RIMS1: variants seen among roughly 807,000 people sequenced by gnomAD.
RIMS1 encodes regulating synaptic membrane exocytosis 1, also known as regulating synaptic membrane exocytosis protein 1.
RIMS1 carries 83 observed loss-of-function variants against 214.1 expected under a neutral mutation model. That is an observed-to-expected ratio of 0.39 (90% confidence interval 0.32 to 0.47). RIMS1 has a LOEUF of 0.47. Ranked by LOEUF, RIMS1 falls within the 20% of genes least tolerant of loss-of-function variation. The pLI, the probability that RIMS1 is intolerant of heterozygous loss-of-function variation, is 0.99. For synonymous variants in RIMS1, 793 were observed against 786.8 expected (o/e 1.01, Z -0.13); for missense variants, 2,050 against 2,161.8 (o/e 0.95, Z 1.03).
intron 4 of RIMS1, among the ~76,000 whole-genome samples, chr6:72,132,707 T>C (rs79605469): frequency 0.067 from 10,226 of 151,996 alleles, 412 homozygotes; most frequent in Non-Finnish European, 0.093. Flanking sequence ...TGCAGACAAA[T>C]CTCTTAAGAG....
chr6:71,982,641 A>T (rs1798791191), intron 2 of RIMS1, among the ~76,000 whole-genome samples: 1 of 152,096 alleles, frequency 6.6e-6, no homozygotes, highest in Non-Finnish European at 1.5e-5. Context: ...CCTAAGTGTA[A>T]TCAGTCACTA....
chr6:71,909,940 G>T (rs756439490), intron 1 of RIMS1, among the ~76,000 whole-genome samples: 2 of 152,138 alleles, frequency 1.3e-5, no homozygotes, highest in Admixed American at 1.3e-4. Flanking sequence ...AAGCAGCCCG[G>T]ATGAGGAGTC....
chr6:72,397,003 C>T (rs1596343813), intron 31 of RIMS1, among the ~76,000 whole-genome samples: 1 of 151,942 alleles, frequency 6.6e-6, no homozygotes, highest in Middle Eastern at 3.4e-3. Flanking sequence ...ACAGAGCAAG[C>T]CTCTGTCTCA....
chr6:72,341,102 A>G (rs888968797), intron 29 of RIMS1, among the ~76,000 whole-genome samples: 6 of 151,854 alleles, frequency 4.0e-5, no homozygotes, highest in African/African-American at 1.5e-4. Flanking sequence ...ATTGGTGTAT[A>G]AGAATTCTTG....
chr6:71,943,886 G>T (rs1171612172), intron 1 of RIMS1, among the ~76,000 whole-genome samples: 4 of 152,126 alleles, frequency 2.6e-5, no homozygotes, highest in African/African-American at 9.7e-5. Flanking sequence ...TCTATTAAGT[G>T]ATAGGAACTT....
At chr6:71,944,901 T>TA (rs1583198512) in intron 1 of RIMS1, among the ~76,000 whole-genome samples, 1 of 152,204 alleles carries the variant, frequency 6.6e-6, no homozygotes, top group East Asian at 1.9e-4. Flanking sequence ...ATTGCGTTGT[T>TA]ATCTTAAAGG....
chr6:72,204,649 G>A (rs1367346248), intron 6 of RIMS1, among the ~76,000 whole-genome samples: 1 of 152,090 alleles, frequency 6.6e-6, no homozygotes, highest in Non-Finnish European at 1.5e-5. Flanking sequence ...TTTCCTAAGG[G>A]AAATTAATTA....
At chr6:72,127,384 G>T (rs1166286935) in intron 4 of RIMS1, among the ~76,000 whole-genome samples, 1 of 151,512 alleles carries the variant, frequency 6.6e-6, no homozygotes, top group Non-Finnish European at 1.5e-5. Flanking sequence ...CAACTTTTAG[G>T]GATAAAAACT....
chr6:71,972,915 T>TTTTG (rs970291374), intron 2 of RIMS1, among the ~76,000 whole-genome samples: 1 of 152,070 alleles, frequency 6.6e-6, no homozygotes, highest in Non-Finnish European at 1.5e-5. Context: ...AATACGGATT[T>TTTTG]TTTGTTTGTT....
intron 6 of RIMS1, among the ~76,000 whole-genome samples, chr6:72,206,537 GCTTTATTTTTCTT>G (rs1300275323): frequency 6.8e-6 from 1 of 147,518 alleles, no homozygotes; most frequent in Admixed American, 6.9e-5. Context: ...TTCCCTTTCT[GCTTTATTTTTCTT>G]CTTGTCAGGG....
At chr6:71,892,393 C>G (rs1770187988) in intron 1 of RIMS1, among the ~76,000 whole-genome samples, 1 of 152,154 alleles carries the variant, frequency 6.6e-6, no homozygotes, top group Non-Finnish European at 1.5e-5. Flanking sequence ...CTTCCTGACC[C>G]TTTGCTCATG....
At chr6:72,146,983 T>A (rs183363118) in intron 4 of RIMS1, among the ~76,000 whole-genome samples, 8 of 152,158 alleles carry the variant, frequency 5.3e-5, no homozygotes, top group African/African-American at 1.9e-4. Context: ...CCCCAGACCT[T>A]ACCAACTGTA....
chr6:72,295,961 C>A, intron 26 of RIMS1: 1 of 497,848 alleles, frequency 2.0e-6, no homozygotes, highest in Non-Finnish European at 2.7e-6. Flanking sequence ...AACTCTTCCA[C>A]AAAAGGTAAA....
At chr6:72,241,753 T>A (rs1275340266) in intron 9 of RIMS1, among the ~76,000 whole-genome samples, 1 of 152,204 alleles carries the variant, frequency 6.6e-6, no homozygotes, top group African/African-American at 2.4e-5. Flanking sequence ...CTGCGTTAAC[T>A]GATGGGTGTG....
intron 2 of RIMS1, among the ~76,000 whole-genome samples, chr6:72,088,322 C>T (rs1253505297): frequency 6.6e-6 from 1 of 151,822 alleles, no homozygotes; most frequent in Non-Finnish European, 1.5e-5. Flanking sequence ...GATCTCGGCT[C>T]ACTGCAACCT....
chr6:72,047,025 T>C (rs1240997584), intron 2 of RIMS1, among the ~76,000 whole-genome samples: 5 of 152,212 alleles, frequency 3.3e-5, no homozygotes, highest in East Asian at 3.9e-4. Context: ...GATTATGATA[T>C]ACATTTGACC....
intron 29 of RIMS1, among the ~76,000 whole-genome samples, chr6:72,353,494 G>A (rs1257723976): frequency 1.3e-5 from 2 of 152,134 alleles, no homozygotes; most frequent in African/African-American, 4.8e-5. Context: ...AGGTTCCCCT[G>A]TTCAATACAA....
chr6:72,200,767 A>T (rs1168927384), intron 6 of RIMS1, among the ~76,000 whole-genome samples: 1 of 151,974 alleles, frequency 6.6e-6, no homozygotes, highest in East Asian at 1.9e-4. Context: ...TCTGAGAACT[A>T]ATTTCTTCTT....
intron 6 of RIMS1, among the ~76,000 whole-genome samples, chr6:72,228,371 T>C (rs987710534): frequency 2.6e-5 from 4 of 151,956 alleles, no homozygotes; most frequent in African/African-American, 9.7e-5. Context: ...AATTTGACTA[T>C]TTTAGATTCC....
Sources: allele counts gnomAD v4.1 joint callset (sites outside exome capture counted in the v4.1 genomes callset), GRCh38; gene constraint gnomAD v4.1.1; transcripts MANE v1.5; gene names NCBI Gene and HGNC (gene_info 2026-07-23, HGNC 2026-07-21).